SPINK5: variants seen among roughly 807,000 people sequenced by gnomAD.
SPINK5 encodes the protein serine peptidase inhibitor Kazal type 5.
Under a neutral mutation model 151.8 loss-of-function variants are expected in SPINK5, and 125 were observed. The observed-to-expected ratio is 0.82, with a 90% CI of 0.71 to 0.96. The LOEUF is 0.96. Ranked by LOEUF, SPINK5 falls within the 40% of genes least tolerant of loss-of-function variation. The pLI, the probability that SPINK5 is intolerant of heterozygous loss-of-function variation, is 0.00. For synonymous variants in SPINK5, 374 were observed against 395.3 expected (o/e 0.95, Z 0.64); for missense variants, 1,194 against 1,291.9 (o/e 0.92, Z 1.16).
Position 148,118,688 on chromosome 5 carries a change from C to A in SPINK5, c.2240+124C>A, listed in dbSNP as rs150841423. On this transcript the variant is annotated intron_variant, in intron 23 of 32. Transcript: ENST00000256084. ...TTCTTTTTGCTAATTTCCAAATATT[C>A]TATTTTTTTCTCTTGCGTTCTCTAA... The A allele has an allele frequency of 1.7e-4, 232 of 1,395,388 alleles. No individual in the cohort carries two copies. In the East Asian group the frequency reaches 5.0e-3, roughly 30 times the overall value. The allele number at this position is 1,395,388 out of a possible 1,614,324, so 86.4% of individuals were successfully genotyped here. A position where few individuals can be genotyped will look rare whatever the true frequency, so the allele number is the denominator to read the frequency against.
intron 27 of SPINK5, 93 bp from the exon 28 acceptor site, chr5:148,124,672 C>A: frequency 4.3e-6 from 4 of 938,282 alleles, no homozygotes; most frequent in Non-Finnish European, 4.5e-6. Flanking sequence ...GTTAGATTTG[C>A]TAATGTTTAG....
At chr5:148,091,262 T>C in intron 8 of SPINK5, 34 bp downstream of exon 8, 3 of 1,593,454 alleles carry the variant, frequency 1.9e-6, no homozygotes, top group Non-Finnish European at 2.6e-6. Flanking sequence ...TTTGTTCTTG[T>C]GGCCATATTT....
At chr5:148,066,878 T>C (rs927874991) in intron 2 of SPINK5, among the ~76,000 whole-genome samples, 1 of 152,200 alleles carries the variant, frequency 6.6e-6, no homozygotes, top group African/African-American at 2.4e-5. Flanking sequence ...TTATATTTGG[T>C]ATTAAAGGCA....
intron 2 of SPINK5, among the ~76,000 whole-genome samples, chr5:148,066,297 TCA>T (rs200359672): frequency 8.4e-4 from 128 of 152,178 alleles, no homozygotes; most frequent in Admixed American, 1.2e-3. Flanking sequence ...GACCAATTAC[TCA>T]CACACACACA....
At chr5:148,127,350 A>C (rs1453564111) in intron 30 of SPINK5, among the ~76,000 whole-genome samples, 2 of 152,110 alleles carry the variant, frequency 1.3e-5, no homozygotes, top group Non-Finnish European at 2.9e-5. Context: ...ATTGTGACTA[A>C]TTTCACATAT....
chr5:148,116,311 G>T, intron 21 of SPINK5, 59 bp from the exon 22 acceptor site: 1 of 1,564,454 alleles, frequency 6.4e-7, no homozygotes, highest in South Asian at 1.1e-5. Flanking sequence ...GAAACTCAAA[G>T]AAATGCACAC....
chr5:148,092,301 A>G (rs935398865), intron 8 of SPINK5, among the ~76,000 whole-genome samples: 3 of 151,944 alleles, frequency 2.0e-5, no homozygotes, highest in Admixed American at 6.6e-5. Flanking sequence ...AGGGTATTGA[A>G]GGTTTACATT....
At chr5:148,131,143 C>T in intron 30 of SPINK5, 116 bp from the exon 31 acceptor site, 1 of 1,325,412 alleles carries the variant, frequency 7.5e-7, no homozygotes, top group Non-Finnish European at 1.1e-6. Context: ...ACATATATCA[C>T]ACTCCTTTTA....
At chr5:148,121,145 A>AAAC (rs1754251487) in intron 26 of SPINK5, among the ~76,000 whole-genome samples, 1 of 101,792 alleles carries the variant, frequency 9.8e-6, no homozygotes, top group South Asian at 2.7e-4. Flanking sequence ...CTCTGTCTCA[A>AAAC]AAAAAAAAAA....
intron 26 of SPINK5, among the ~76,000 whole-genome samples, chr5:148,121,443 T>A (rs1754262673): frequency 6.6e-6 from 1 of 152,040 alleles, no homozygotes; most frequent in East Asian, 1.9e-4. Flanking sequence ...TATTAGTAAT[T>A]ATCATTATTT....
In SPINK5 at chr5:148,126,974, CT is replaced by C. The variant is rs1408915828; in HGVS notation, c.2868-7del. On this transcript the variant is annotated splice_region_variant and splice_polypyrimidine_tract_variant and intron_variant, in intron 29 of 32. Coordinates refer to ENST00000256084, the MANE Select transcript of SPINK5 (RefSeq NM_006846.4). ...CTTATTTTAAATTATTTTTTATTTT[CT>C]TCTCTAGTCTAACAGAAGCTTTGGA... 1 of 1,598,612 alleles carries C rather than the reference CT, an allele frequency of 6.3e-7. No individual in the cohort carries two copies. The highest frequency in any genetic ancestry group is 1.3e-5 in the African/African-American group (1 of 74,332).
At chr5:148,122,665 T>C (rs770223584) in intron 26 of SPINK5, among the ~76,000 whole-genome samples, 3 of 152,206 alleles carry the variant, frequency 2.0e-5, no homozygotes, top group Admixed American at 6.5e-5. Flanking sequence ...ATTCTCTGAC[T>C]TGTAAAAGCA....
At chr5:148,072,040 C>T (rs1752752302) in intron 3 of SPINK5, 108 bp from the exon 4 acceptor site, 1 of 1,017,320 alleles carries the variant, frequency 9.8e-7, no homozygotes. Flanking sequence ...TTTGACATGC[C>T]AGGCTAGGCT....
chr5:148,087,979 A>G (rs1477244367), intron 5 of SPINK5, among the ~76,000 whole-genome samples: 2 of 151,514 alleles, frequency 1.3e-5, no homozygotes, highest in African/African-American at 2.4e-5. Flanking sequence ...AGATGTTATC[A>G]TTGTAATCTG....
At chr5:148,100,629 C>CTA (rs770990410) in intron 13 of SPINK5, 48 bp downstream of exon 13, 240 of 1,605,104 alleles carry the variant, frequency 1.5e-4, no homozygotes, top group Middle Eastern at 1.7e-4. Context: ...TTTGTTCTTT[C>CTA]TATTTCATTT....
At chr5:148,081,206 T>C (rs1435654752) in intron 4 of SPINK5, among the ~76,000 whole-genome samples, 2 of 151,614 alleles carry the variant, frequency 1.3e-5, no homozygotes, top group Non-Finnish European at 3.0e-5. Flanking sequence ...GGAACACAGT[T>C]TGAGAACTTC....
Position 148,120,376 on chromosome 5 carries a change from G to A in SPINK5, c.2523G>A (p.Arg841=), listed in dbSNP as rs761994023. 1.9e-6 allele frequency: 3 copies of A among 1,599,746 alleles called. No individual in the cohort carries two copies. Among genetic ancestry groups the A allele is most frequent in the African/African-American group, 1.3e-5 (1 of 74,508 alleles). ...GAGAAAGGAGCAATACAGGAGAAAG[G>A]AGCAATGACAAAGAGGTAATAGATG... ...NTGERSNTGE[R]SNDKEDLCRE... Residue 841 remains arginine (R), a synonymous_variant, in exon 26 of 33, where the codon AGG becomes AGA. Coordinates refer to ENST00000256084, the MANE Select transcript of SPINK5 (RefSeq NM_006846.4).
At chr5:148,095,948 GT>G in intron 10 of SPINK5, 43 bp downstream of exon 10, 2 of 1,469,898 alleles carry the variant, frequency 1.4e-6, no homozygotes, top group Non-Finnish European at 9.4e-7. Context: ...TTGTGTGTGT[GT>G]GGGGGGGTGC....
chr5:148,129,350 AGGGC>A (rs1754516961), intron 30 of SPINK5, among the ~76,000 whole-genome samples: 2 of 152,212 alleles, frequency 1.3e-5, no homozygotes, highest in African/African-American at 4.8e-5. Flanking sequence ...CAGGGAGGCA[AGGGC>A]TGGACAGCTA....
Sources: allele counts gnomAD v4.1 joint callset (sites outside exome capture counted in the v4.1 genomes callset), GRCh38; gene constraint gnomAD v4.1.1; transcripts MANE v1.5; gene names NCBI Gene and HGNC (gene_info 2026-07-23, HGNC 2026-07-21).